The following SATL1 variants were observed in gnomAD, a reference collection of about 807,000 sequenced individuals.
The protein encoded by SATL1 is spermidine/spermine N(1)-acetyltransferase-like protein 1.
In SATL1, 47 loss-of-function variants were observed where a neutral mutation model predicts 51.8. The ratio of observed to expected loss-of-function variants is 0.91; its 90% CI spans 0.72 to 1.16. The LOEUF (loss-of-function observed/expected upper bound fraction) is 1.16, where lower values mean the gene tolerates loss of function less well. Ranked by LOEUF, SATL1 falls within the 50% of genes most tolerant of loss-of-function variation. The pLI, the probability that SATL1 is intolerant of heterozygous loss-of-function variation, is 0.00. For missense variants in SATL1, 520 were observed against 526.4 expected, an observed-to-expected ratio of 0.99 and a Z score of 0.12; for synonymous variants, 176 against 182.4, an observed-to-expected ratio of 0.97 and a Z score of 0.28.
chrX:85,149,684 G>T (rs763631200), intron 2 of SATL1, among the ~76,000 whole-genome samples: 1 of 111,373 alleles, frequency 9.0e-6, no homozygotes, highest in African/African-American at 3.3e-5. Context: ...TCAACTACAT[G>T]GAAACTGAAC....
intron 3 of SATL1, among the ~76,000 whole-genome samples, chrX:85,106,115 G>A (rs557527640): frequency 8.1e-5 from 9 of 111,798 alleles, no homozygotes; most frequent in African/African-American, 2.9e-4. Context: ...ATTAATTGCC[G>A]ACCGAGTGTC....
intron 2 of SATL1, among the ~76,000 whole-genome samples, chrX:85,149,706 G>A (rs1447433960): frequency 2.7e-5 from 3 of 111,076 alleles, no homozygotes; most frequent in Non-Finnish European, 5.6e-5. Context: ...ACCTGCTCCT[G>A]AATGACTACT....
chrX:85,130,607 T>C (rs1280592101), intron 2 of SATL1, among the ~76,000 whole-genome samples: 1 of 111,791 alleles, frequency 8.9e-6, no homozygotes, highest in Non-Finnish European at 1.9e-5. Flanking sequence ...GCTCCTAGAT[T>C]CATTGATTTT....
At chrX:85,196,197 T>A (rs1927557918) in intron 2 of SATL1, among the ~76,000 whole-genome samples, 1 of 111,159 alleles carries the variant, frequency 9.0e-6, no homozygotes, top group African/African-American at 3.3e-5. Flanking sequence ...TACAATGGTA[T>A]CAAAATGAAT....
At chrX:85,133,500 A>C (rs1423596244) in intron 2 of SATL1, among the ~76,000 whole-genome samples, 2 of 112,172 alleles carry the variant, frequency 1.8e-5, no homozygotes, top group Non-Finnish European at 3.8e-5. Flanking sequence ...TGCTAAGACC[A>C]TTGGAAAAGC....
At chrX:85,112,242 C>T (rs1925275872) in intron 2 of SATL1, among the ~76,000 whole-genome samples, 1 of 110,979 alleles carries the variant, frequency 9.0e-6, no homozygotes, top group African/African-American at 3.3e-5. Context: ...ATCCCAGCTA[C>T]TCAGGAGGCT....
intron 2 of SATL1, among the ~76,000 whole-genome samples, chrX:85,149,986 G>A (rs1926377727): frequency 9.0e-6 from 1 of 111,523 alleles, no homozygotes; most frequent in Non-Finnish European, 1.9e-5. Context: ...GAAAGAAATA[G>A]AAATACAAAA....
intron 2 of SATL1, among the ~76,000 whole-genome samples, chrX:85,188,065 C>T (rs1410618742): frequency 1.8e-5 from 2 of 111,316 alleles, no homozygotes; most frequent in African/African-American, 3.3e-5. Context: ...GTGAAATTAT[C>T]GGGTACATTT....
chrX:85,201,252 A>G (rs1927680574), intron 2 of SATL1, among the ~76,000 whole-genome samples: 1 of 111,176 alleles, frequency 9.0e-6, no homozygotes, highest in South Asian at 3.8e-4. Context: ...ACTTAATTTC[A>G]TTACATTTCT....
chrX:85,117,322 T>C (rs1308476399), intron 2 of SATL1: 2 of 111,534 alleles, frequency 1.8e-5, no homozygotes, highest in Admixed American at 9.6e-5. Context: ...TCAGTCAAAT[T>C]ATTTCTTCTG....
At chrX:85,111,567 G>A (rs1379392802) in intron 2 of SATL1, among the ~76,000 whole-genome samples, 1 of 111,778 alleles carries the variant, frequency 8.9e-6, no homozygotes, top group African/African-American at 3.2e-5. Context: ...ATCCAGTTTA[G>A]GAACCAAAAA....
chrX:85,183,873 A>G (rs1425546497), intron 2 of SATL1, among the ~76,000 whole-genome samples: 2 of 111,535 alleles, frequency 1.8e-5, no homozygotes, highest in Non-Finnish European at 3.8e-5. Context: ...GCTATCAAAT[A>G]CTAGATCTTA....
At chrX:85,158,547 T>C (rs951925174) in intron 2 of SATL1, among the ~76,000 whole-genome samples, 4 of 112,191 alleles carry the variant, frequency 3.6e-5, no homozygotes, top group African/African-American at 1.3e-4. Flanking sequence ...ACAAAGCTTT[T>C]ATAGTTCAGC....
At chrX:85,198,785 A>G (rs774018256) in intron 2 of SATL1, among the ~76,000 whole-genome samples, 3 of 110,797 alleles carry the variant, frequency 2.7e-5, no homozygotes, top group South Asian at 7.8e-4. Flanking sequence ...TAAAAAGTAC[A>G]ATTAAATTAT....
rs1925105646 is a variant in SATL1 at position 85,107,786 on chromosome X, T to G, written c.1183A>C (p.Ser395Arg). The G allele has an allele frequency of 8.3e-7, 1 of 1,209,142 alleles. No homozygotes were observed. The highest frequency in any genetic ancestry group is 1.1e-6 in the Non-Finnish European group (1 of 894,975). ...TGGCTGGTGCCTACTTGTCTCATGC[T>G]TGGTTGGCTCCCACCTGACTGTCTC... ...DMRQSGGSQPSMRQVGTSQSG... is the reference protein window; with the variant it reads ...DMRQSGGSQPRMRQVGTSQSG... The change falls in exon 3 of 8, where the codon AGC (serine) becomes CGC (arginine). Residue 395 changes from serine (S) to arginine (R), a missense_variant. Coordinates refer to ENST00000644105, the MANE Select transcript of SATL1 (RefSeq NM_001367857.2).
chrX:85,210,573 T>TGA (rs1927897076), intron 2 of SATL1: 1 of 110,390 alleles, frequency 9.1e-6, no homozygotes. Flanking sequence ...TCCCAACAGA[T>TGA]ATACTACTCT....
intron 2 of SATL1, among the ~76,000 whole-genome samples, chrX:85,185,808 G>T (rs1927302942): frequency 9.1e-6 from 1 of 110,426 alleles, no homozygotes. Flanking sequence ...GAGCCCACTT[G>T]GTGCTCTACC....
At chrX:85,196,609 A>G (rs1222829700) in intron 2 of SATL1, among the ~76,000 whole-genome samples, 1 of 112,177 alleles carries the variant, frequency 8.9e-6, no homozygotes, top group Non-Finnish European at 1.9e-5. Context: ...GCTGATTTCA[A>G]AAAAAGACAG....
intron 2 of SATL1, among the ~76,000 whole-genome samples, chrX:85,147,862 C>A (rs1295880901): frequency 3.6e-5 from 4 of 111,335 alleles, no homozygotes; most frequent in Non-Finnish European, 7.5e-5. Flanking sequence ...ATTAAAACCA[C>A]AAAGATGGGG....
Sources: gnomAD v4.1 joint callset for allele counts (sites outside exome capture counted in the v4.1 genomes callset) on GRCh38, gnomAD v4.1.1 for gene constraint, MANE v1.5 for transcripts, NCBI Gene and HGNC (gene_info 2026-07-23, HGNC 2026-07-21) for gene names.